Variants in CSRP3 observed in about 807,000 individuals in gnomAD.
The protein encoded by CSRP3 is cysteine and glycine-rich protein 3.
A neutral mutation model predicts 24.3 loss-of-function variants in CSRP3; 24 were observed. That is an observed-to-expected ratio of 0.99 (90% CI 0.71 to 1.39). The LOEUF (loss-of-function observed/expected upper bound fraction) is 1.39. CSRP3 is among the 40% of genes most tolerant of loss of function. The pLI is 0.00. For missense variants in CSRP3, 240 were observed against 249.0 expected (o/e 0.96, Z 0.24); for synonymous variants, 105 against 94.0 (o/e 1.12, Z -0.68).
intron 1 of CSRP3, among the ~76,000 whole-genome samples, chr11:19,197,208 G>A (rs915317822): frequency 1.3e-5 from 2 of 151,552 alleles, no homozygotes; most frequent in African/African-American, 4.8e-5. Flanking sequence ...TCTGTAAATT[G>A]TAGAGTAATA....
At chr11:19,187,150 T>C (rs1850540250) in intron 3 of CSRP3, among the ~76,000 whole-genome samples, 1 of 152,228 alleles carries the variant, frequency 6.6e-6, no homozygotes, top group Non-Finnish European at 1.5e-5. Context: ...TGAACTTCAG[T>C]CAATGTGAGG....
At chr11:19,188,439 C>A in intron 2 of CSRP3, 135 bp from the exon 3 acceptor site, 1 of 828,468 alleles carries the variant, frequency 1.2e-6, no homozygotes, top group South Asian at 1.6e-5. Context: ...TGATTCCTGA[C>A]CAGAGTATCT....
chr11:19,187,596 A>G (rs1319529434), intron 3 of CSRP3, among the ~76,000 whole-genome samples: 1 of 152,142 alleles, frequency 6.6e-6, no homozygotes, highest in Non-Finnish European at 1.5e-5. Flanking sequence ...TGTGGCGGGA[A>G]CTCTAGCACT....
At chr11:19,186,388 T>G (rs746646499) in intron 3 of CSRP3, 40 bp from the exon 4 acceptor site, 2 of 1,613,934 alleles carry the variant, frequency 1.2e-6, no homozygotes, top group Non-Finnish European at 1.7e-6. Context: ...TAGATTTCCC[T>G]TGGCAAAGAG....
At chr11:19,197,547 CTT>C (rs1330602266) in intron 1 of CSRP3, among the ~76,000 whole-genome samples, 1 of 130,468 alleles carries the variant, frequency 7.7e-6, no homozygotes, top group African/African-American at 3.0e-5. Context: ...TTCTTTCTTT[CTT>C]TCTTTCTTTC....
At chr11:19,197,146 T>C (rs957004466) in intron 1 of CSRP3, among the ~76,000 whole-genome samples, 1 of 152,188 alleles carries the variant, frequency 6.6e-6, no homozygotes, top group African/African-American at 2.4e-5. Flanking sequence ...ATAATCCTTT[T>C]GATTTCACTA....
At chr11:19,196,487 A>G (rs1011465240) in intron 1 of CSRP3, among the ~76,000 whole-genome samples, 5 of 152,328 alleles carry the variant, frequency 3.3e-5, no homozygotes, top group African/African-American at 1.2e-4. Context: ...TTAAGGAGCT[A>G]TGATTTGAAA....
intron 1 of CSRP3, among the ~76,000 whole-genome samples, chr11:19,199,801 T>C (rs1282220072): frequency 6.6e-6 from 1 of 152,222 alleles, no homozygotes; most frequent in Non-Finnish European, 1.5e-5. Flanking sequence ...ACTGTCTCCC[T>C]TCCTGCCATT....
intron 4 of CSRP3, among the ~76,000 whole-genome samples, chr11:19,185,864 C>CAGGTTGCTGTT (rs1201388341): frequency 2.6e-5 from 4 of 152,142 alleles, no homozygotes; most frequent in African/African-American, 9.7e-5. Flanking sequence ...GTGGCAGCAA[C>CAGGTTGCTGTT]AGGTTGAGTT....
At chr11:19,188,613 A>AGTGTGTGT (rs138192808) in intron 2 of CSRP3, among the ~76,000 whole-genome samples, 6,573 of 140,818 alleles carry the variant, frequency 0.047, 140 homozygotes, top group Non-Finnish European at 0.062. Context: ...ACATCAGGGA[A>AGTGTGTGT]GTGTGTGTGT....
At chr11:19,183,609 A>G (rs1213654127) in intron 5 of CSRP3, among the ~76,000 whole-genome samples, 1 of 152,036 alleles carries the variant, frequency 6.6e-6, no homozygotes, top group African/African-American at 2.4e-5. Context: ...TTGCAATGCA[A>G]TTATTCATTT....
chr11:19,186,095 A>C lies in CSRP3; in HGVS notation c.414+121T>G, dbSNP rs1590103269. The C allele has an allele frequency of 2.3e-6, 3 of 1,323,894 alleles. No homozygotes were observed. The East Asian group carries it at 6.9e-5, about 31-fold the overall frequency. 82.0% of individuals were successfully genotyped at this position (1,323,894 alleles called of 1,614,324 possible). The stretch of plus-strand genomic sequence containing the variant: ...AGTGGCTGAGGATGTGTGGTTTCTA[A>C]AGTTGTTCTGGGAGCTAGAGAGAAT... On this transcript the variant is annotated intron_variant, in intron 4 of 5. Coordinates refer to ENST00000265968, the MANE Select transcript of CSRP3 (RefSeq NM_003476.5).
intron 1 of CSRP3, among the ~76,000 whole-genome samples, chr11:19,197,531 CTT>C (rs1377161861): frequency 7.7e-6 from 1 of 129,218 alleles, no homozygotes; most frequent in East Asian, 2.3e-4. Flanking sequence ...TTCTTTCTTT[CTT>C]TCTTTCTTTC....
intron 1 of CSRP3, among the ~76,000 whole-genome samples, chr11:19,198,329 C>T (rs1850776666): frequency 1.3e-5 from 2 of 152,236 alleles, no homozygotes; most frequent in Admixed American, 1.3e-4. Context: ...ATCACCCAGA[C>T]TTCCCAGTTG....
chr11:19,182,783 A>G (rs1217464965), intron 5 of CSRP3, 37 bp from the exon 6 acceptor site: 3 of 1,448,018 alleles, frequency 2.1e-6, no homozygotes, highest in East Asian at 2.3e-5. Context: ...GAGACAATGC[A>G]TTGGTTAGTG....
At position 19,188,165 on chromosome 11, in the gene CSRP3, C is replaced by T. The variant is rs755614464; in HGVS notation, c.252G>A (p.Thr84=). Residue 84 remains threonine (T), a synonymous_variant, in exon 3 of 6, where the codon ACG becomes ACA. Coordinates refer to ENST00000265968, the MANE Select transcript of CSRP3 (RefSeq NM_003476.5). ...GQGAGCLSTD[T]GEHLGLQFQQ... is the part of the protein sequence containing the mutation. Reference sequence around the variant, plus strand: ...GGAACTGCAGGCCGAGATGCTCGCCCGTGTCTGTGCTGAGACAGCCAGCGC... The same window carrying T: ...GGAACTGCAGGCCGAGATGCTCGCCTGTGTCTGTGCTGAGACAGCCAGCGC... The T allele has an allele frequency of 3.4e-5, 55 of 1,614,026 alleles. No individual in the cohort carries two copies. In the Middle Eastern group the frequency reaches 5.0e-4, roughly 15 times the overall value.
At chr11:19,197,510 T>TCTTTCTTTCTTTCTTC (rs1344334371) in intron 1 of CSRP3, among the ~76,000 whole-genome samples, 1 of 87,454 alleles carries the variant, frequency 1.1e-5, no homozygotes, top group Admixed American at 1.2e-4. Flanking sequence ...CCTCTTTCTT[T>TCTTTCTTTCTTTCTTC]CTTTCTTTCT....
At chr11:19,190,656 A>C (rs1850598687) in intron 2 of CSRP3, among the ~76,000 whole-genome samples, 1 of 152,216 alleles carries the variant, frequency 6.6e-6, no homozygotes. Flanking sequence ...TTTATCTAGA[A>C]GTCAGGGGAA....
intron 3 of CSRP3, among the ~76,000 whole-genome samples, chr11:19,187,011 G>A (rs556394438): frequency 3.7e-4 from 57 of 152,340 alleles, no homozygotes; most frequent in African/African-American, 1.3e-3. Context: ...GGTTGGAGGA[G>A]AGTGAGGATC....
Sources: allele counts gnomAD v4.1 joint callset (sites outside exome capture counted in the v4.1 genomes callset), GRCh38; gene constraint gnomAD v4.1.1; transcripts MANE v1.5; gene names NCBI Gene and HGNC (gene_info 2026-07-23, HGNC 2026-07-21).